The following WNT7B variants were observed in gnomAD, a reference collection of about 807,000 sequenced individuals.
WNT7B encodes the protein Wnt family member 7B.
Under a neutral mutation model 38.2 loss-of-function variants are expected in WNT7B, and 19 were observed. That is an observed-to-expected ratio of 0.50 (90% CI 0.35 to 0.73). The LOEUF (loss-of-function observed/expected upper bound fraction) is 0.73. Ranked by LOEUF, WNT7B falls within the 30% of genes least tolerant of loss-of-function variation. The pLI is 0.01. For synonymous variants in WNT7B, 243 were observed against 209.3 expected, an observed-to-expected ratio of 1.16 and a Z score of -1.39; for missense variants, 423 against 507.9, an observed-to-expected ratio of 0.83 and a Z score of 1.61.
chr22:45,957,322 G>A (rs1183977749), intron 1 of WNT7B, among the ~76,000 whole-genome samples: 1 of 152,082 alleles, frequency 6.6e-6, no homozygotes, highest in African/African-American at 2.4e-5. Flanking sequence ...ATTATAGCAT[G>A]TGACTTTATT....
At chr22:45,938,801 C>G (rs746758322) in intron 2 of WNT7B, among the ~76,000 whole-genome samples, 2 of 152,090 alleles carry the variant, frequency 1.3e-5, no homozygotes, top group African/African-American at 4.8e-5. Context: ...GATAAATATT[C>G]TAAAGGAAGG....
intron 1 of WNT7B, among the ~76,000 whole-genome samples, chr22:45,974,798 C>G (rs1932518543): frequency 6.6e-6 from 1 of 152,154 alleles, no homozygotes; most frequent in South Asian, 2.1e-4. Context: ...ACTCAGACCT[C>G]TCTCAGACAC....
rs536753503 is a variant in WNT7B, at chr22:45,922,612, C to T, written c.*244G>A. ...GGGAGCACCAAGACCCCTGGCCTTG[C>T]TCTCTGGGTGGGTCACGGGTGCTGT... On this transcript the variant is annotated 3_prime_UTR_variant, in exon 4 of 4. Coordinates refer to ENST00000339464, the MANE Select transcript of WNT7B (RefSeq NM_058238.3). 2 of 592,310 alleles carry T rather than the reference C, an allele frequency of 3.4e-6. No homozygotes were observed. The highest frequency in any genetic ancestry group is 2.9e-5 in the East Asian group (1 of 34,436). The allele number at this position is 592,310 out of a possible 1,614,324, so 36.7% of individuals were successfully genotyped here.
intron 3 of WNT7B, among the ~76,000 whole-genome samples, chr22:45,924,395 A>G (rs9286452): frequency 0.34 from 51,907 of 152,102 alleles, 10,533 homozygotes; most frequent in African/African-American, 0.56. Flanking sequence ...CCCTGGCCTG[A>G]TTGCATGAGG....
rs1930903339 is a variant in WNT7B, at chr22:45,920,731, G to C, written c.*2125C>G. The C allele has an allele frequency of 8.5e-6, 1 of 117,728 alleles. No individual in the cohort carries two copies. The highest frequency in any genetic ancestry group is 1.8e-5 in the Non-Finnish European group (1 of 54,746). The allele number at this position is 117,728 out of a possible 1,614,324, so 7.3% of individuals were successfully genotyped here. On this transcript the variant is annotated 3_prime_UTR_variant, in exon 4 of 4. Transcript: ENST00000339464. ...GGATGGGGGATGGGATGAGGGATGA[G>C]ATGAGGGATGGGATGGGATGGGGGA...
At position 45,929,608 on chromosome 22, in the gene WNT7B, C is replaced by T. The variant is rs181078875; in HGVS notation, c.570+1490G>A. Among the ~76,000 whole-genome samples the T allele has an allele frequency of 6.5e-5, 9 of 138,968 alleles. No homozygotes were observed. The East Asian group carries it at 1.8e-3, about 28-fold the overall frequency. 91.2% of individuals were successfully genotyped at this position (138,968 alleles called of 152,430 possible). A position where few individuals can be genotyped will look rare whatever the true frequency, so the allele number is the denominator to read the frequency against. ...TCCATCCATTCATGCATCCATCCAC[C>T]TGCCCATACACCCATCCTTCCATCC... is the stretch of plus-strand genomic sequence containing the variant. On this transcript the variant is annotated intron_variant, in intron 3 of 3. Transcript: ENST00000339464.
intron 3 of WNT7B, among the ~76,000 whole-genome samples, chr22:45,930,362 C>G (rs981394813): frequency 1.3e-5 from 2 of 152,256 alleles, no homozygotes; most frequent in African/African-American, 4.8e-5. Context: ...CCCCTAGGCT[C>G]TGCTGCCCTG....
chr22:45,967,152 C>A (rs192813439), intron 1 of WNT7B, among the ~76,000 whole-genome samples: 1 of 152,332 alleles, frequency 6.6e-6, no homozygotes, highest in East Asian at 1.9e-4. Context: ...AGGCCCCCAG[C>A]CCTGCGCCAG....
Position 45,976,661 on chromosome 22 carries a change from G to A in WNT7B, c.71+23C>T. On this transcript the variant is annotated intron_variant, in intron 1 of 3. Transcript: ENST00000339464. This position sits in a 1 kb window ranked among gnomAD's most constrained non-coding sequence, Gnocchi z 8.5. ...CGTGCTGTCTTGGCCCCTGGCTGCT[G>A]CCCTCGCCCACGGGGTACTCACCCG... 6.2e-7 allele frequency: 1 copy of A among 1,602,438 alleles called. No homozygotes were observed. Among genetic ancestry groups the A allele is most frequent in the Middle Eastern group, 1.7e-4 (1 of 6,022 alleles).
intron 1 of WNT7B, among the ~76,000 whole-genome samples, chr22:45,973,587 G>C (rs1274734053): frequency 6.6e-6 from 1 of 152,184 alleles, no homozygotes; most frequent in Non-Finnish European, 1.5e-5. Flanking sequence ...TCCAGTTCCA[G>C]TGAGCAGAGA....
At chr22:45,969,175 G>T (rs1932376070) in intron 1 of WNT7B, among the ~76,000 whole-genome samples, 1 of 152,186 alleles carries the variant, frequency 6.6e-6, no homozygotes. Flanking sequence ...CCGGGAAGAG[G>T]CCTGGCCTGG....
At chr22:45,970,793 A>C (rs1932417060) in intron 1 of WNT7B, among the ~76,000 whole-genome samples, 1 of 152,170 alleles carries the variant, frequency 6.6e-6, no homozygotes, top group African/African-American at 2.4e-5. Context: ...AGGACACCAG[A>C]AGCAGGACCC....
intron 1 of WNT7B, among the ~76,000 whole-genome samples, chr22:45,970,466 C>T (rs533048606): frequency 3.9e-5 from 6 of 152,236 alleles, no homozygotes; most frequent in African/African-American, 7.2e-5. Context: ...TCACTGCTGC[C>T]TTGGCATCAA....
In WNT7B at chr22:45,965,340, G is replaced by T. The variant is rs180728176; in HGVS notation, c.71+11344C>A. Reference sequence around the variant, plus strand: ...GGCTTTGTGTCAACGACGCTGGAAGGCAGGGCGGTAGGGACTTTCCTTCCC... The same window carrying T: ...GGCTTTGTGTCAACGACGCTGGAAGTCAGGGCGGTAGGGACTTTCCTTCCC... On this transcript the variant is annotated intron_variant, in intron 1 of 3. Coordinates refer to ENST00000339464, the MANE Select transcript of WNT7B (RefSeq NM_058238.3). The surrounding 1 kb of genome is among the most constrained non-coding windows in gnomAD (Gnocchi z 6.5). 7.9e-5 allele frequency among the ~76,000 whole-genome samples: 12 copies of T among 152,308 alleles called. No homozygotes were observed. In the East Asian group the frequency reaches 2.1e-3, roughly 27 times the overall value.
intron 2 of WNT7B, among the ~76,000 whole-genome samples, chr22:45,945,888 G>A (rs567808317): frequency 6.6e-6 from 1 of 152,370 alleles, no homozygotes; most frequent in East Asian, 1.9e-4. Flanking sequence ...CTGGTGTCCC[G>A]GGCCGCTCAC....
At chr22:45,926,323 A>G in intron 3 of WNT7B, 3 of 985,324 alleles carry the variant, frequency 3.0e-6, no homozygotes, top group Non-Finnish European at 3.6e-6. Context: ...TGCTCAGGGG[A>G]GCTGCAGGCT....
chr22:45,954,419 G>A (rs959513638), intron 1 of WNT7B, among the ~76,000 whole-genome samples: 3 of 152,158 alleles, frequency 2.0e-5, no homozygotes, highest in Non-Finnish European at 2.9e-5. Flanking sequence ...TTTATTTTAC[G>A]TATTTTAACC....
At position 45,931,253 on chromosome 22, in the gene WNT7B, C is replaced by T. The variant is rs1207851083; in HGVS notation, c.415G>A (p.Gly139Ser). The T allele has an allele frequency of 1.3e-6, 2 of 1,598,978 alleles. No homozygotes were observed. Among genetic ancestry groups the T allele is most frequent in the African/African-American group, 1.3e-5 (1 of 74,932 alleles). Residue 139 changes from glycine (G) to serine (S), a missense_variant, in exon 3 of 4, where the codon GGC (glycine) becomes AGC (serine). Physicochemically the swap from Gly to Ser is moderately conservative, Grantham distance 56. Coordinates refer to ENST00000339464, the MANE Select transcript of WNT7B (RefSeq NM_058238.3). ...SNCGCDREKQ[G>S]YYNQAEGWKW... ...CAGCCCTCGGCTTGGTTGTAGTAGCCCTGCTTCTCGCGGTCGCAGCCGCAG... is the reference window on the plus strand; with the variant it reads ...CAGCCCTCGGCTTGGTTGTAGTAGCTCTGCTTCTCGCGGTCGCAGCCGCAG...
chr22:45,937,665 G>A (rs775524677), intron 2 of WNT7B, among the ~76,000 whole-genome samples: 2 of 152,206 alleles, frequency 1.3e-5, no homozygotes, highest in East Asian at 1.9e-4. Context: ...CTGTGCTTCC[G>A]GCCCACACAG....
Sources: allele counts gnomAD v4.1 joint callset (sites outside exome capture counted in the v4.1 genomes callset), GRCh38; gene constraint gnomAD v4.1.1; non-coding constraint Gnocchi (gnomAD v3.1); transcripts MANE v1.5; gene names NCBI Gene and HGNC (gene_info 2026-07-23, HGNC 2026-07-21).